The following DNAH11 variants were observed in gnomAD, a reference collection of about 807,000 sequenced individuals.
DNAH11 encodes the protein dynein axonemal heavy chain 11, also known as axonemal beta dynein heavy chain 11.
A neutral mutation model predicts 526.0 loss-of-function variants in DNAH11; 442 were observed. The ratio of observed to expected loss-of-function variants is 0.84; its 90% CI spans 0.78 to 0.91. DNAH11 has a LOEUF of 0.91. DNAH11 is among the 40% of genes least tolerant of loss of function. The pLI is 0.00. For synonymous variants in DNAH11, 2,461 were observed against 1,935.9 expected, an observed-to-expected ratio of 1.27 and a Z score of -7.12; for missense variants, 6,989 against 5,448.7, an observed-to-expected ratio of 1.28 and a Z score of -8.90.
In DNAH11 at chr7:21,558,882, A is replaced by G. The variant is rs72655972; in HGVS notation, c.576A>G (p.Ile192Met). The G allele has an allele frequency of 0.01, 16,705 of 1,608,060 alleles. 555 individuals are homozygous for G. The highest frequency in any genetic ancestry group is 0.075 in the South Asian group (6,738 of 89,690). ...CFTSQDMEYH[I>M]EVMKKKMYIF... is the part of the protein sequence containing the mutation. ...CTTCACAAGATATGGAATATCACAT[A>G]GAAGTCATGAAAAAGAAGATGTATA... is the stretch of plus-strand genomic sequence containing the variant. The change falls in exon 3 of 82, where the codon ATA becomes ATG. Residue 192 changes from isoleucine (I) to methionine (M), a missense_variant. Transcript: ENST00000409508.
At chr7:21,749,063 G>GTCTTTT (rs1786286739) in intron 52 of DNAH11, among the ~76,000 whole-genome samples, 1 of 152,066 alleles carries the variant, frequency 6.6e-6, no homozygotes. Context: ...TGCTGTTAGT[G>GTCTTTT]TTCCTGTATG....
intron 55 of DNAH11, among the ~76,000 whole-genome samples, chr7:21,771,851 C>CA (rs5882824): frequency 4.0e-4 from 60 of 150,002 alleles, no homozygotes; most frequent in South Asian, 6.4e-4. Flanking sequence ...ACGCCCCCCA[C>CA]AAAAAAAAAT....
At position 21,597,070 on chromosome 7, in the gene DNAH11, C is replaced by T. The variant is rs929047922; in HGVS notation, c.2668-2717C>T. On this transcript the variant is annotated intron_variant, in intron 14 of 81. Transcript: ENST00000409508. ...TGTTTTCTGGCTGGTGGCATGTCAG[C>T]GAGTGGTCTGGAGTCAGAGTTAAAG... Among the ~76,000 whole-genome samples, 14 of 152,050 alleles carry T rather than the reference C, an allele frequency of 9.2e-5. 1 individual carries two copies. The highest frequency in any genetic ancestry group is 1.3e-4 in the Non-Finnish European group (9 of 68,008).
At chr7:21,572,859 A>T (rs1200422393) in intron 8 of DNAH11, among the ~76,000 whole-genome samples, 1 of 152,202 alleles carries the variant, frequency 6.6e-6, no homozygotes, top group Non-Finnish European at 1.5e-5. Flanking sequence ...GTGAAAAAGT[A>T]TGAGGAACCT....
intron 9 of DNAH11, among the ~76,000 whole-genome samples, chr7:21,583,560 A>G (rs1784385379): frequency 6.6e-6 from 1 of 152,270 alleles, no homozygotes. Flanking sequence ...AAGGAATTGT[A>G]ACAAAAGCCA....
At chr7:21,848,819 T>TA (rs938522838) in intron 66 of DNAH11, among the ~76,000 whole-genome samples, 1 of 152,194 alleles carries the variant, frequency 6.6e-6, no homozygotes, top group Non-Finnish European at 1.5e-5. Flanking sequence ...GTATTTCTTT[T>TA]AAAAATTTTT....
chr7:21,627,330 C>A (rs76020879), intron 25 of DNAH11, among the ~76,000 whole-genome samples: 4,228 of 151,892 alleles, frequency 0.028, 197 homozygotes, highest in African/African-American at 0.096. Flanking sequence ...TGAAGTCTTA[C>A]ACACACACAC....
At chr7:21,689,092 A>C (rs1177224968) in intron 34 of DNAH11, among the ~76,000 whole-genome samples, 1 of 152,196 alleles carries the variant, frequency 6.6e-6, no homozygotes, top group Non-Finnish European at 1.5e-5. Flanking sequence ...TCCTTCTGCC[A>C]CGTGGGCCTT....
chr7:21,858,865 A>G (rs1273344651), intron 68 of DNAH11, among the ~76,000 whole-genome samples: 3 of 152,186 alleles, frequency 2.0e-5, no homozygotes, highest in Non-Finnish European at 2.9e-5. Context: ...GGCACATTTT[A>G]TAGTATGTAA....
intron 28 of DNAH11, among the ~76,000 whole-genome samples, chr7:21,642,047 G>A (rs1045318914): frequency 3.3e-5 from 5 of 152,168 alleles, no homozygotes; most frequent in African/African-American, 1.2e-4. Flanking sequence ...ATCCAGTCCT[G>A]TGGCCACAGT....
chr7:21,706,686 G>C (rs1042187037), intron 39 of DNAH11, among the ~76,000 whole-genome samples: 1 of 152,108 alleles, frequency 6.6e-6, no homozygotes, highest in Admixed American at 6.5e-5. Context: ...CACCAGTTCT[G>C]TTCTACTCAA....
intron 2 of DNAH11, among the ~76,000 whole-genome samples, chr7:21,549,921 G>C (rs1782956140): frequency 6.6e-6 from 1 of 152,102 alleles, no homozygotes; most frequent in African/African-American, 2.4e-5. Context: ...TTATAGTTTG[G>C]GGTGCTACCG....
At position 21,880,895 on chromosome 7, in the gene DNAH11, T is replaced by TA; in HGVS notation, c.12387+4dup. On this transcript the variant is annotated splice_region_variant and intron_variant, in intron 75 of 81. Transcript: ENST00000409508. ...AACTACTTAGAGGCAAACTCTAAAG[T>TA]AAGTGCTAGTGGTCAAATAACCTCT... 1 of 1,596,834 alleles carries TA rather than the reference T, an allele frequency of 6.3e-7. No homozygotes were observed. The highest frequency in any genetic ancestry group is 8.5e-7 in the Non-Finnish European group (1 of 1,175,372).
chr7:21,711,073 A>T (rs1414295023), intron 41 of DNAH11, among the ~76,000 whole-genome samples: 3 of 152,204 alleles, frequency 2.0e-5, no homozygotes, highest in Non-Finnish European at 4.4e-5. Flanking sequence ...TGATGATTGA[A>T]ATTAACTAGT....
rs777162998 is a variant in DNAH11, at chr7:21,617,789, T to C, written c.4254+12T>C. ...TGAAAGCTATTGGGGTCAGTATCCT[T>C]GGTCTCACTAATGAACCTTTTTATG... On this transcript the variant is annotated intron_variant, in intron 23 of 81. Coordinates refer to ENST00000409508, the MANE Select transcript of DNAH11 (RefSeq NM_001277115.2). The C allele has an allele frequency of 5.1e-6, 8 of 1,571,208 alleles. No homozygotes were observed. In the South Asian group the frequency reaches 8.3e-5, roughly 16 times the overall value.
At chr7:21,885,171 T>TTTAAA in intron 76 of DNAH11, among the ~76,000 whole-genome samples, 1 of 114,580 alleles carries the variant, frequency 8.7e-6, no homozygotes, top group Admixed American at 1.0e-4. Flanking sequence ...AAATGAACTA[T>TTTAAA]AAAAAAAAAA....
chr7:21,674,640 C>A (rs1782794669), intron 30 of DNAH11, among the ~76,000 whole-genome samples: 1 of 152,032 alleles, frequency 6.6e-6, no homozygotes, highest in South Asian at 2.1e-4. Context: ...TTTTCCTTCC[C>A]TTTTCTTTTC....
At chr7:21,638,855 C>T in intron 27 of DNAH11, 84 bp from the exon 28 acceptor site, 2 of 1,472,234 alleles carry the variant, frequency 1.4e-6, no homozygotes, top group Non-Finnish European at 1.8e-6. Flanking sequence ...AATGAATGGA[C>T]ATAGAGGACT....
rs1180746753 is a variant in DNAH11, at chr7:21,558,789, T to G, written c.496-13T>G. On this transcript the variant is annotated splice_polypyrimidine_tract_variant and intron_variant, in intron 2 of 81. Transcript: ENST00000409508. ...GTCTGTAAATTAATTTAACTATGTTTCTCTTTCTCTAGATTTTAGTGCCAG... is the reference window on the plus strand; with the variant it reads ...GTCTGTAAATTAATTTAACTATGTTGCTCTTTCTCTAGATTTTAGTGCCAG... 1 of 1,555,150 alleles carries G rather than the reference T, an allele frequency of 6.4e-7. No individual in the cohort carries two copies. The highest frequency in any genetic ancestry group is 1.2e-5 in the South Asian group (1 of 80,134).
Sources: allele counts gnomAD v4.1 joint callset (sites outside exome capture counted in the v4.1 genomes callset), GRCh38; gene constraint gnomAD v4.1.1; transcripts MANE v1.5; gene names NCBI Gene and HGNC (gene_info 2026-07-23, HGNC 2026-07-21).